CELF4: variants seen among roughly 807,000 people sequenced by gnomAD.
CELF4 encodes CUGBP Elav-like family member 4.
In CELF4, 18 loss-of-function variants were observed where a neutral mutation model predicts 59.9. That is an observed-to-expected ratio of 0.30 (90% confidence interval 0.21 to 0.45). The LOEUF is 0.45. Ranked by LOEUF, CELF4 falls within the 20% of genes least tolerant of loss-of-function variation. The pLI, the probability that CELF4 is intolerant of heterozygous loss-of-function variation, is 1.00. For missense variants in CELF4, 456 were observed against 689.0 expected (o/e 0.66, Z 3.79); for synonymous variants, 261 against 267.1 (o/e 0.98, Z 0.22).
rs2066961063 is a variant in CELF4 at position 37,253,619 on chromosome 18, C to CCGAGGAGCAGGG, written c.*44+136_*44+147dup. The CCGAGGAGCAGGG allele has an allele frequency of 5.3e-6, 3 of 562,484 alleles. No individual in the cohort carries two copies. Among genetic ancestry groups the CCGAGGAGCAGGG allele is most frequent in the Admixed American group, 7.5e-5 (2 of 26,788 alleles). The allele number at this position is 562,484 out of a possible 1,614,324, so 34.8% of individuals were successfully genotyped here. A position where few individuals can be genotyped will look rare whatever the true frequency, so the allele number is the denominator to read the frequency against. On this transcript the variant is annotated intron_variant, in intron 12 of 12. Coordinates refer to ENST00000420428, the MANE Select transcript of CELF4 (RefSeq NM_020180.4). The surrounding 1 kb of genome is among the most constrained non-coding windows in gnomAD (Gnocchi z 4.5). ...GGGTGACGGCAGCTCTGCGCCTGGC[C>CCGAGGAGCAGGG]CGAGGAGCAGGGCGAGGAGCAGGTT... is the stretch of plus-strand genomic sequence containing the variant.
intron 2 of CELF4, among the ~76,000 whole-genome samples, chr18:37,480,850 A>G (rs2099864790): frequency 1.3e-5 from 2 of 152,184 alleles, no homozygotes; most frequent in South Asian, 4.1e-4. Flanking sequence ...CACAAAGAGA[A>G]GAAAGAAAAA....
At chr18:37,476,807 G>A (rs115594660) in intron 2 of CELF4, among the ~76,000 whole-genome samples, 4,491 of 152,258 alleles carry the variant, frequency 0.029, 197 homozygotes, top group African/African-American at 0.1. Context: ...ATTCATGCAG[G>A]CACAGCCCTT....
At chr18:37,523,280 A>G (rs1257790603) in intron 1 of CELF4, among the ~76,000 whole-genome samples, 1 of 152,178 alleles carries the variant, frequency 6.6e-6, no homozygotes, top group East Asian at 1.9e-4. Flanking sequence ...ACATGGATCC[A>G]TTCTCATGCT....
At chr18:37,552,497 C>G (rs772275092) in intron 1 of CELF4, among the ~76,000 whole-genome samples, 3 of 152,238 alleles carry the variant, frequency 2.0e-5, no homozygotes, top group Non-Finnish European at 4.4e-5. Flanking sequence ...CCCCAACTCC[C>G]GCCCCAGCAG....
At chr18:37,280,952 C>T (rs1235268894) in intron 3 of CELF4, among the ~76,000 whole-genome samples, 2 of 152,212 alleles carry the variant, frequency 1.3e-5, no homozygotes, top group African/African-American at 2.4e-5. Context: ...CAGGTGCTAA[C>T]GGAAATACAA....
chr18:37,370,935 G>A (rs1162045190), intron 2 of CELF4, among the ~76,000 whole-genome samples: 4 of 152,192 alleles, frequency 2.6e-5, no homozygotes, highest in Non-Finnish European at 4.4e-5. Flanking sequence ...GATGTCACAC[G>A]TGTCTTCAAG....
chr18:37,321,034 T>G (rs899738850), intron 3 of CELF4, among the ~76,000 whole-genome samples: 1 of 152,120 alleles, frequency 6.6e-6, no homozygotes, highest in Admixed American at 6.5e-5. Flanking sequence ...TAGGGGAGCC[T>G]AGGGCCAGGG....
intron 1 of CELF4, among the ~76,000 whole-genome samples, chr18:37,499,634 G>A (rs539378437): frequency 2.0e-5 from 3 of 152,354 alleles, no homozygotes; most frequent in Admixed American, 6.5e-5. Flanking sequence ...CCCTCTGCAT[G>A]CCTCTTGTCT....
chr18:37,483,370 G>T (rs1242308938), intron 2 of CELF4, among the ~76,000 whole-genome samples: 1 of 152,110 alleles, frequency 6.6e-6, no homozygotes, highest in African/African-American at 2.4e-5. Flanking sequence ...CCTCCCTCTG[G>T]TGGGCGTGCC....
chr18:37,310,128 C>T (rs1398249176), intron 3 of CELF4, among the ~76,000 whole-genome samples: 2 of 151,964 alleles, frequency 1.3e-5, no homozygotes, highest in Admixed American at 6.6e-5. Context: ...AAGGAAGATT[C>T]CATAGTTCAC....
intron 8 of CELF4, 40 bp from the exon 9 acceptor site, chr18:37,266,638 C>G (rs746672602): frequency 6.7e-7 from 1 of 1,487,856 alleles, no homozygotes; most frequent in South Asian, 1.2e-5. Context: ...CAGTGCCCAC[C>G]ACACTGGCCC....
At chr18:37,450,234 A>C (rs2099759368) in intron 2 of CELF4, among the ~76,000 whole-genome samples, 1 of 151,918 alleles carries the variant, frequency 6.6e-6, no homozygotes, top group Non-Finnish European at 1.5e-5. Flanking sequence ...TGTGTTATGT[A>C]TGTGTGTATG....
rs1367490262 is a variant in CELF4 at position 37,243,206 on chromosome 18, T to TTTTTTTTTTTTTTTTTTTTA, written c.*2035_*2036insTAAAAAAAAAAAAAAAAAAA. The TTTTTTTTTTTTTTTTTTTTA allele has an allele frequency of 6.9e-6, 1 of 145,904 alleles. No homozygotes were observed. 9.0% of individuals were successfully genotyped at this position (145,904 alleles called of 1,614,324 possible). On this transcript the variant is annotated 3_prime_UTR_variant, in exon 13 of 13. Transcript: ENST00000420428. The stretch of plus-strand genomic sequence containing the variant: ...TTTTTCTTTTTTTTTTTTTTTTTTT[T>TTTTTTTTTTTTTTTTTTTTA]ACATCTGGACATCCTAAAAGGAGGA...
chr18:37,339,310 G>A (rs1473154398), intron 2 of CELF4, among the ~76,000 whole-genome samples: 1 of 152,178 alleles, frequency 6.6e-6, no homozygotes, highest in African/African-American at 2.4e-5. Context: ...CCCCCAAATG[G>A]ATCCCTTGAC....
chr18:37,325,312 T>C (rs2097268404), intron 2 of CELF4, among the ~76,000 whole-genome samples: 1 of 152,162 alleles, frequency 6.6e-6, no homozygotes, highest in South Asian at 2.1e-4. Flanking sequence ...TGTTTCTGTG[T>C]TTTACAGCCA....
chr18:37,474,055 G>A (rs17750237), intron 2 of CELF4: 3,635 of 152,266 alleles, frequency 0.024, 137 homozygotes, highest in East Asian at 0.17. Flanking sequence ...AATGCCCTCC[G>A]ACAGCAGTGA....
At chr18:37,514,748 C>T (rs1287170301) in intron 1 of CELF4, among the ~76,000 whole-genome samples, 1 of 151,932 alleles carries the variant, frequency 6.6e-6, no homozygotes, top group Non-Finnish European at 1.5e-5. Flanking sequence ...GATTTTTCCC[C>T]CTCTCCTTTG....
intron 2 of CELF4, among the ~76,000 whole-genome samples, chr18:37,384,593 T>C (rs954313960): frequency 1.6e-4 from 24 of 151,742 alleles, no homozygotes; most frequent in African/African-American, 5.8e-4. Context: ...CTGGGCCATG[T>C]TGGGAGCCTT....
At chr18:37,272,032 T>C (rs2091516670) in intron 7 of CELF4, among the ~76,000 whole-genome samples, 1 of 151,704 alleles carries the variant, frequency 6.6e-6, no homozygotes, top group South Asian at 2.1e-4. Context: ...AGGTGAAGAG[T>C]AGTGTTCAAG....
Sources: allele counts gnomAD v4.1 joint callset (sites outside exome capture counted in the v4.1 genomes callset), GRCh38; gene constraint gnomAD v4.1.1; non-coding constraint Gnocchi (gnomAD v3.1); transcripts MANE v1.5; gene names NCBI Gene and HGNC (gene_info 2026-07-23, HGNC 2026-07-21).